Variants in WDR7 observed in about 807,000 individuals in gnomAD.
The protein encoded by WDR7 is WD repeat-containing protein 7.
WDR7 carries 46 observed loss-of-function variants against 169.4 expected under a neutral mutation model. That is an observed-to-expected ratio of 0.27 (90% CI 0.21 to 0.35). The LOEUF (loss-of-function observed/expected upper bound fraction) is 0.35. Among genes scored for constraint, WDR7 ranks in the 10% least tolerant of loss-of-function variants. WDR7 has a pLI of 1.00. For synonymous variants in WDR7, 612 were observed against 666.8 expected (o/e 0.92, Z 1.27); for missense variants, 1,534 against 1,859.3 (o/e 0.83, Z 3.22).
At chr18:56,654,066 C>G (rs185573070) in intron 1 of WDR7, among the ~76,000 whole-genome samples, 16 of 152,288 alleles carry the variant, frequency 1.1e-4, no homozygotes, top group Admixed American at 5.9e-4. Flanking sequence ...CTAATAGATA[C>G]AAAATTAAAT....
At chr18:56,987,431 A>C (rs1412497889) in intron 26 of WDR7, among the ~76,000 whole-genome samples, 1 of 152,084 alleles carries the variant, frequency 6.6e-6, no homozygotes, top group Non-Finnish European at 1.5e-5. Flanking sequence ...CCTGATATAC[A>C]GATAGGGCTG....
At chr18:56,780,174 T>C (rs2044295700) in intron 18 of WDR7, among the ~76,000 whole-genome samples, 1 of 152,214 alleles carries the variant, frequency 6.6e-6, no homozygotes, top group South Asian at 2.1e-4. Context: ...GCTCACTAAA[T>C]GGTAGCCACT....
intron 20 of WDR7, among the ~76,000 whole-genome samples, chr18:56,830,588 C>T (rs1185690994): frequency 6.6e-6 from 1 of 152,226 alleles, no homozygotes; most frequent in African/African-American, 2.4e-5. Context: ...CTGGGCGCTG[C>T]ACTATACATC....
the WDR7 span, chr18:57,035,482 C>T: frequency 6.6e-6 from 1 of 152,354 alleles, no homozygotes; most frequent in Non-Finnish European, 1.5e-5. Context: ...GAGGCAAGAA[C>T]AGGAAAGCTC....
intron 26 of WDR7, among the ~76,000 whole-genome samples, chr18:56,988,622 TG>T (rs2047761798): frequency 6.6e-6 from 1 of 151,642 alleles, no homozygotes; most frequent in African/African-American, 2.4e-5. Context: ...TGTGTGTGTG[TG>T]TGTGTGTGTG....
intron 26 of WDR7, among the ~76,000 whole-genome samples, chr18:56,969,448 C>T (rs1415695672): frequency 6.6e-6 from 1 of 152,200 alleles, no homozygotes; most frequent in Admixed American, 6.5e-5. Context: ...ATACTCCTTT[C>T]CCAGGTTACA....
At chr18:57,007,058 C>A (rs1418793586) in intron 26 of WDR7, among the ~76,000 whole-genome samples, 1 of 151,510 alleles carries the variant, frequency 6.6e-6, no homozygotes. Flanking sequence ...CAGCTCACTG[C>A]AAGCTCCACC....
rs1317482544 is a variant in WDR7, at chr18:56,962,440, G to T, written c.4075G>T (p.Val1359Phe). Reference protein sequence around the residue: ...CFPAICRFYMVSYYERNHRIA... With the variant: ...CFPAICRFYMFSYYERNHRIA... ...AAATGTTCAACTCAGGTTCTACATG[G>T]TCAGCTATTATGAGCGGAATCACAG... Residue 1359 changes from valine (V) to phenylalanine (F), a missense_variant, in exon 26 of 28, where the codon GTC (valine) becomes TTC (phenylalanine). Val to Phe is a conservative substitution (Grantham distance 50). Transcript: ENST00000254442. The T allele has an allele frequency of 6.2e-7, 1 of 1,612,782 alleles. No homozygotes were observed. The highest frequency in any genetic ancestry group is 8.5e-7 in the Non-Finnish European group (1 of 1,179,198).
At chr18:56,914,496 G>A (rs147079927) in intron 21 of WDR7, among the ~76,000 whole-genome samples, 299 of 152,234 alleles carry the variant, frequency 2.0e-3, no homozygotes, top group African/African-American at 6.8e-3. Context: ...ATAGGTGCTC[G>A]AGCTAGAACT....
At position 56,737,808 on chromosome 18, in the gene WDR7, C is replaced by T. The variant is rs79714397; in HGVS notation, c.1989+6211C>T. On this transcript the variant is annotated intron_variant, in intron 14 of 27. Coordinates refer to ENST00000254442, the MANE Select transcript of WDR7 (RefSeq NM_015285.3). Reference sequence around the variant, plus strand: ...GGGACAAGCCAAATGACATTGTGTACGGGATACCAGGCCTTGTTTAGTGAA... The same window carrying T: ...GGGACAAGCCAAATGACATTGTGTATGGGATACCAGGCCTTGTTTAGTGAA... Among the ~76,000 whole-genome samples, 67 of 152,174 alleles carry T rather than the reference C, an allele frequency of 4.4e-4. No individual in the cohort carries two copies. The East Asian group carries it at 8.7e-3, about 20-fold the overall frequency.
chr18:56,725,483 CA>C (rs2026427660), intron 13 of WDR7, among the ~76,000 whole-genome samples: 1 of 152,030 alleles, frequency 6.6e-6, no homozygotes, highest in Non-Finnish European at 1.5e-5. Context: ...ATACTTTGCC[CA>C]CTTTTTGATG....
intron 21 of WDR7, among the ~76,000 whole-genome samples, chr18:56,903,279 C>T (rs8094697): frequency 0.81 from 123,754 of 152,090 alleles, 50,782 homozygotes; most frequent in East Asian, 0.98. Flanking sequence ...GTAATTAGTT[C>T]GGTATTATTT....
chr18:56,806,376 A>C (rs894909641), intron 19 of WDR7, among the ~76,000 whole-genome samples: 1 of 152,238 alleles, frequency 6.6e-6, no homozygotes, highest in Non-Finnish European at 1.5e-5. Flanking sequence ...CTTTAAAAAA[A>C]TATATAGATC....
intron 12 of WDR7, among the ~76,000 whole-genome samples, chr18:56,697,076 T>TA (rs397740651): frequency 1.3e-5 from 2 of 151,786 alleles, no homozygotes; most frequent in Non-Finnish European, 2.9e-5. Context: ...TACTTTTTTT[T>TA]ATTGTTTATT....
chr18:56,717,192 T>A (rs1426677186), intron 12 of WDR7, among the ~76,000 whole-genome samples: 1 of 152,236 alleles, frequency 6.6e-6, no homozygotes, highest in Admixed American at 6.5e-5. Flanking sequence ...AGTTTTCAAT[T>A]GTTTATAAAT....
At chr18:56,984,847 C>A (rs368817727) in intron 26 of WDR7, among the ~76,000 whole-genome samples, 1 of 152,082 alleles carries the variant, frequency 6.6e-6, no homozygotes, top group Non-Finnish European at 1.5e-5. Context: ...GCAGCCATAG[C>A]GTACTGTGGG....
intron 20 of WDR7, among the ~76,000 whole-genome samples, chr18:56,818,791 T>C (rs976116896): frequency 6.6e-6 from 1 of 150,658 alleles, no homozygotes; most frequent in African/African-American, 2.5e-5. Context: ...GGGTAACTAG[T>C]GTTGTAGAGA....
downstream of WDR7, chr18:57,034,759 G>A (rs1454961425): frequency 1.3e-5 from 2 of 151,938 alleles, no homozygotes; most frequent in Non-Finnish European, 1.5e-5. Flanking sequence ...AAAGCTGAAG[G>A]GTGATTAATC....
intron 1 of WDR7, among the ~76,000 whole-genome samples, chr18:56,655,832 T>C (rs962547759): frequency 6.6e-6 from 1 of 152,226 alleles, no homozygotes; most frequent in Non-Finnish European, 1.5e-5. Context: ...TTGAGATTCA[T>C]CCAAATTGTT....
Sources: gnomAD v4.1 joint callset for allele counts (sites outside exome capture counted in the v4.1 genomes callset) on GRCh38, gnomAD v4.1.1 for gene constraint, MANE v1.5 for transcripts, NCBI Gene and HGNC (gene_info 2026-07-23, HGNC 2026-07-21) for gene names.